POM121: variants seen among roughly 807,000 people sequenced by gnomAD.
POM121 encodes nuclear envelope pore membrane protein POM 121.
Under a neutral mutation model 81.3 loss-of-function variants are expected in POM121, and 32 were observed. That is an observed-to-expected ratio of 0.39 (90% CI 0.30 to 0.53). POM121 has a LOEUF of 0.53. POM121 is among the 20% of genes least tolerant of loss of function. The pLI, the probability that POM121 is intolerant of heterozygous loss-of-function variation, is 0.66. For synonymous variants in POM121, 514 were observed against 694.2 expected, an observed-to-expected ratio of 0.74 and a Z score of 4.08; for missense variants, 1,138 against 1,614.6, an observed-to-expected ratio of 0.70 and a Z score of 5.06.
At chr7:72,924,009 A>G (rs1334866885), upstream of POM121, among the ~76,000 whole-genome samples, 5 of 131,768 alleles carry the variant, frequency 3.8e-5, no homozygotes, top group Admixed American at 7.6e-5. Flanking sequence ...GCAGTGGCGC[A>G]ATCTCGGCTC....
At chr7:72,901,986 C>A (rs1479538529) in intron 3 of POM121, among the ~76,000 whole-genome samples, 11 of 151,894 alleles carry the variant, frequency 7.2e-5, no homozygotes, top group African/African-American at 1.4e-4. Context: ...GTGGCGCATG[C>A]CTGTAATCCC....
At chr7:72,912,988 C>G (rs1164781412) in intron 3 of POM121, among the ~76,000 whole-genome samples, 1 of 152,142 alleles carries the variant, frequency 6.6e-6, no homozygotes, top group African/African-American at 2.4e-5. Flanking sequence ...ATCATCAGGT[C>G]CCTACTTAAC....
rs558408764 is a variant in POM121, at chr7:72,940,223, C to G, written c.1564-191C>G. Among the ~76,000 whole-genome samples, 102 of 150,396 alleles carry G rather than the reference C, an allele frequency of 6.8e-4. 2 individuals carry two copies. Among genetic ancestry groups the G allele is most frequent in the Admixed American group, 5.1e-3 (77 of 15,210 alleles). On this transcript the variant is annotated intron_variant, in intron 8 of 12. Coordinates refer to ENST00000434423, the MANE Select transcript of POM121 (RefSeq NM_001387691.1). ...GGGATTACAGGTGCTTGCTACCACG[C>G]CTGGTTGATTTTTTGTGTTTTTAGT...
chr7:72,939,782 G>A (rs1796881980), intron 7 of POM121, 65 bp from the exon 8 acceptor site: 1 of 1,610,628 alleles, frequency 6.2e-7, no homozygotes, highest in African/African-American at 1.3e-5. Flanking sequence ...TGCGAAGTGG[G>A]TAGACACAAC....
At chr7:72,929,869 C>T in intron 4 of POM121, 71 bp from the exon 5 acceptor site, 1 of 1,477,572 alleles carries the variant, frequency 6.8e-7, no homozygotes, top group Non-Finnish European at 9.0e-7. Context: ...AGAAAGATGT[C>T]ATGACCGTGG....
At chr7:72,931,195 T>C (rs1334016812) in intron 5 of POM121, among the ~76,000 whole-genome samples, 9 of 152,218 alleles carry the variant, frequency 5.9e-5, no homozygotes, top group African/African-American at 1.4e-4. Flanking sequence ...ATTTTTGATA[T>C]GCAAACTTTT....
At chr7:72,930,670 G>A (rs553008468) in intron 5 of POM121, among the ~76,000 whole-genome samples, 69 of 152,332 alleles carry the variant, frequency 4.5e-4, no homozygotes, top group Non-Finnish European at 8.8e-4. Flanking sequence ...AACAGGGCAG[G>A]CTTTGCTGCT....
intron 3 of POM121, among the ~76,000 whole-genome samples, chr7:72,897,912 G>C (rs2129575318): frequency 6.6e-6 from 1 of 152,294 alleles, no homozygotes; most frequent in South Asian, 2.1e-4. Flanking sequence ...CCAGGGACTT[G>C]GGAGGCTGAG....
chr7:72,902,555 G>T (rs1163277749), intron 3 of POM121, among the ~76,000 whole-genome samples: 1 of 132,294 alleles, frequency 7.6e-6, no homozygotes, highest in Non-Finnish European at 1.6e-5. Context: ...TTGAGACAGG[G>T]TCTCACTCTG....
chr7:72,906,353 G>A (rs556250204), intron 3 of POM121, among the ~76,000 whole-genome samples: 4 of 152,336 alleles, frequency 2.6e-5, no homozygotes, highest in African/African-American at 7.2e-5. Context: ...ACAGAGTTCC[G>A]CTGCTCGCCC....
chr7:72,929,891 A>C, intron 4 of POM121, 49 bp from the exon 5 acceptor site: 1 of 1,511,018 alleles, frequency 6.6e-7, no homozygotes, highest in Non-Finnish European at 8.9e-7. Flanking sequence ...TGAAATCGTA[A>C]AAGAATTTTG....
chr7:72,892,104 A>C (rs1791356257), intron 3 of POM121, among the ~76,000 whole-genome samples: 1 of 152,220 alleles, frequency 6.6e-6, no homozygotes, highest in African/African-American at 2.4e-5. Flanking sequence ...TCATAAGTGA[A>C]TGTCGGTTCC....
intron 3 of POM121, among the ~76,000 whole-genome samples, chr7:72,913,433 T>C (rs576301660): frequency 7.2e-5 from 11 of 152,356 alleles, no homozygotes; most frequent in Non-Finnish European, 1.6e-4. Flanking sequence ...AGATTGAATT[T>C]GATCTTCTAT....
At chr7:72,882,717 T>C (rs1790285758) in intron 1 of POM121, among the ~76,000 whole-genome samples, 1 of 152,200 alleles carries the variant, frequency 6.6e-6, no homozygotes, top group Non-Finnish European at 1.5e-5. Flanking sequence ...CGTCTTTTTG[T>C]TCGGGTTGCA....
intron 5 of POM121, among the ~76,000 whole-genome samples, chr7:72,936,756 T>G (rs1403716580): frequency 6.6e-5 from 10 of 152,114 alleles, no homozygotes; most frequent in Non-Finnish European, 1.0e-4. Context: ...TGTGTATCCC[T>G]CAGTGTCTGG....
At chr7:72,880,518 C>G (rs1790032182) in intron 1 of POM121, among the ~76,000 whole-genome samples, 1 of 152,082 alleles carries the variant, frequency 6.6e-6, no homozygotes, top group African/African-American at 2.4e-5. Flanking sequence ...ATATTTTATA[C>G]ACATTCATTT....
chr7:72,922,151 T>C (rs1794872169), upstream of POM121, among the ~76,000 whole-genome samples: 1 of 152,248 alleles, frequency 6.6e-6, no homozygotes, highest in African/African-American at 2.4e-5. Context: ...TAAATGTATA[T>C]GTGTATGTAT....
upstream of POM121, among the ~76,000 whole-genome samples, chr7:72,920,379 G>C (rs1163673426): frequency 2.2e-5 from 3 of 139,304 alleles, no homozygotes; most frequent in African/African-American, 2.8e-5. Flanking sequence ...GTTGGAGTCT[G>C]GCTCTGTCAC....
intron 3 of POM121, among the ~76,000 whole-genome samples, chr7:72,897,320 A>T (rs556241030): frequency 6.6e-6 from 1 of 152,302 alleles, no homozygotes; most frequent in African/African-American, 2.4e-5. Flanking sequence ...AGAGAGAGCC[A>T]TGCTTACCTC....
Sources: gnomAD v4.1 joint callset for allele counts (sites outside exome capture counted in the v4.1 genomes callset) on GRCh38, gnomAD v4.1.1 for gene constraint, MANE v1.5 for transcripts, NCBI Gene and HGNC (gene_info 2026-07-23, HGNC 2026-07-21) for gene names.